The following LCE2C variants were observed in gnomAD, a reference collection of about 807,000 sequenced individuals.
The protein encoded by LCE2C is late cornified envelope 2C, also known as late cornified envelope protein 2C.
For missense variants in LCE2C, 179 were observed against 141.3 expected (o/e 1.27, Z -1.35); for synonymous variants, 57 against 51.0 (o/e 1.12, Z -0.50).
chr1:152,676,116 C>T lies in LCE2C; in HGVS notation c.101C>T (p.Pro34Leu), dbSNP rs531060384. The T allele has an allele frequency of 1.9e-6, 3 of 1,614,196 alleles. No homozygotes were observed. The highest frequency in any genetic ancestry group is 1.3e-5 in the African/African-American group (1 of 75,050). The part of the protein sequence containing the change: ...CPPKCPPKCP[P>L]QCPAPCFPAV... ...CCTAAGTGTCCCCCCAAATGCCCAC[C>T]ACAGTGCCCAGCTCCATGTTTCCCT... Residue 34 changes from proline to leucine, a missense_variant, in exon 2 of 2, where the codon CCA (proline) becomes CTA (leucine). By Grantham distance (98) the Pro-to-Leu change is moderately conservative (BLOSUM62 -3). Transcript: ENST00000368783.
At chr1:152,675,777 C>T (rs1020825368) in intron 1 of LCE2C, among the ~76,000 whole-genome samples, 1 of 152,110 alleles carries the variant, frequency 6.6e-6, no homozygotes, top group Non-Finnish European at 1.5e-5. Flanking sequence ...ATAGAGCAAT[C>T]GCAGTTTCCC....
chr1:152,676,005 C>G lies in LCE2C; in HGVS notation c.-11C>G. On this transcript the variant is annotated 5_prime_UTR_variant, in exon 2 of 2. Coordinates refer to ENST00000368783, the MANE Select transcript of LCE2C (RefSeq NM_178429.5). ...ATTATTATCTTTCAGGTTGACTAAA[C>G]TCCTGCCAGCATGTCTTGCCAGCAA... The G allele has an allele frequency of 6.2e-7, 1 of 1,613,980 alleles. No individual in the cohort carries two copies.
Position 152,675,864 on chromosome 1 carries a change from T to C in LCE2C, c.-21-131T>C, listed in dbSNP as rs931434208. ...TTATCTAGAGGAAAGATTCAAGTTGTTTCTTTCAGGTTACTGATGTGATTG... is the reference window on the plus strand; with the variant it reads ...TTATCTAGAGGAAAGATTCAAGTTGCTTCTTTCAGGTTACTGATGTGATTG... On this transcript the variant is annotated intron_variant, in intron 1 of 1. Coordinates refer to ENST00000368783, the MANE Select transcript of LCE2C (RefSeq NM_178429.5). 33 of 1,110,706 alleles carry C rather than the reference T, an allele frequency of 3.0e-5. No homozygotes were observed. In the South Asian group the frequency reaches 4.0e-4, roughly 13 times the overall value. The allele number at this position is 1,110,706 out of a possible 1,614,324, so 68.8% of individuals were successfully genotyped here.
chr1:152,676,250 C>A lies in LCE2C; in HGVS notation c.235C>A (p.Arg79Ser), dbSNP rs535714518. The part of the protein sequence containing the change: ...GGCSLSHHRP[R>S]LFHRRRHQSP... ...CTGCTCCCTGAGCCACCACAGGCCC[C>A]GTCTCTTCCACCGGCGCCGGCACCA... Residue 79 changes from arginine (R) to serine (S), a missense_variant, in exon 2 of 2, where the codon CGT becomes AGT. Physicochemically the swap from Arg to Ser is moderately radical, Grantham distance 110. Coordinates refer to ENST00000368783, the MANE Select transcript of LCE2C (RefSeq NM_178429.5). The A allele has an allele frequency of 1.2e-6, 2 of 1,613,914 alleles. No individual in the cohort carries two copies. The highest frequency in any genetic ancestry group is 1.7e-6 in the Non-Finnish European group (2 of 1,179,958).
chr1:152,676,263 G>C lies in LCE2C; in HGVS notation c.248G>C (p.Arg83Pro), dbSNP rs12064325. ...LSHHRPRLFH[R>P]RRHQSPDCCE... is the part of the protein sequence containing the mutation. ...CACCACAGGCCCCGTCTCTTCCACC[G>C]GCGCCGGCACCAGAGCCCCGACTGC... is the stretch of plus-strand genomic sequence containing the variant. The change falls in exon 2 of 2, where the codon CGG (arginine) becomes CCG (proline). Residue 83 changes from arginine to proline, a missense_variant. By Grantham distance (103) the Arg-to-Pro change is moderately radical (BLOSUM62 -2). Coordinates refer to ENST00000368783, the MANE Select transcript of LCE2C (RefSeq NM_178429.5). The C allele has an allele frequency of 1.6e-5, 26 of 1,613,656 alleles. No homozygotes were observed. The highest frequency in any genetic ancestry group is 1.9e-5 in the Non-Finnish European group (23 of 1,179,958).
chr1:152,676,434 A>C lies in LCE2C; in HGVS notation c.*86A>C. The C allele has an allele frequency of 6.6e-7, 1 of 1,513,426 alleles. No individual in the cohort carries two copies. Among genetic ancestry groups the C allele is most frequent in the Non-Finnish European group, 8.8e-7 (1 of 1,131,694 alleles). The allele number at this position is 1,513,426 out of a possible 1,614,324, so 93.7% of individuals were successfully genotyped here. ...TACTCTTTCCACTTCCTCTCATTCC[A>C]TTCATTGGTTGGCAGAGACCACAAA... On this transcript the variant is annotated 3_prime_UTR_variant, in exon 2 of 2. Coordinates refer to ENST00000368783, the MANE Select transcript of LCE2C (RefSeq NM_178429.5).
chr1:152,676,464 C>A lies in LCE2C; in HGVS notation c.*116C>A. 1.4e-6 allele frequency: 2 copies of A among 1,432,958 alleles called. No individual in the cohort carries two copies. The highest frequency in any genetic ancestry group is 2.3e-5 in the East Asian group (1 of 42,698). The allele number at this position is 1,432,958 out of a possible 1,614,324, so 88.8% of individuals were successfully genotyped here. ...TTGGTTGGCAGAGACCACAAAGACT[C>A]ATGGGGCTTTCCTGGAAGAACTTCG... On this transcript the variant is annotated 3_prime_UTR_variant, in exon 2 of 2. Transcript: ENST00000368783.
rs1247683115 is a variant in LCE2C, at chr1:152,676,154, T to A, written c.139T>A (p.Cys47Ser). Residue 47 changes from cysteine to serine, a missense_variant, in exon 2 of 2, where the codon TGC becomes AGC. By Grantham distance (112) the Cys-to-Ser change is moderately radical (BLOSUM62 -1). Coordinates refer to ENST00000368783, the MANE Select transcript of LCE2C (RefSeq NM_178429.5). ...TCCATGTTTCCCTGCAGTCTCTTCT[T>A]GCTGTGGTCCCAGCTCTGGGAGCTG... ...PAPCFPAVSSCCGPSSGSCCG... is the reference protein window; with the variant it reads ...PAPCFPAVSSSCGPSSGSCCG... 2 of 1,613,792 alleles carry A rather than the reference T, an allele frequency of 1.2e-6. No individual in the cohort carries two copies. Among genetic ancestry groups the A allele is most frequent in the Admixed American group, 1.7e-5 (1 of 59,960 alleles).
Position 152,676,359 on chromosome 1 carries a change from A to G in LCE2C, c.*11A>G, listed in dbSNP as rs1648853845. On this transcript the variant is annotated 3_prime_UTR_variant, in exon 2 of 2. Coordinates refer to ENST00000368783, the MANE Select transcript of LCE2C (RefSeq NM_178429.5). The stretch of plus-strand genomic sequence containing the variant: ...GGGGGCTGCTGCTGACCTGGGCTAC[A>G]GAAGAGCTCTTGGGACTGAATGGCC... 2 of 1,601,102 alleles carry G rather than the reference A, an allele frequency of 1.2e-6. No homozygotes were observed. The highest frequency in any genetic ancestry group is 1.7e-5 in the Admixed American group (1 of 58,162).
intron 1 of LCE2C, among the ~76,000 whole-genome samples, chr1:152,675,725 G>A (rs1393480122): frequency 6.6e-6 from 1 of 152,154 alleles, no homozygotes; most frequent in African/African-American, 2.4e-5. Context: ...AAAGGAATAG[G>A]TACTTCAGGG....
intron 1 of LCE2C, 76 bp from the exon 2 acceptor site, chr1:152,675,919 C>T: frequency 7.0e-7 from 1 of 1,419,348 alleles, no homozygotes; most frequent in Non-Finnish European, 9.7e-7. Flanking sequence ...TTCTTCTACA[C>T]ATGCATTGAT....
chr1:152,676,442 G>T lies in LCE2C; in HGVS notation c.*94G>T. 2.0e-6 allele frequency: 3 copies of T among 1,505,776 alleles called. No individual in the cohort carries two copies. The highest frequency in any genetic ancestry group is 2.3e-5 in the Admixed American group (1 of 43,656). The allele number at this position is 1,505,776 out of a possible 1,614,324, so 93.3% of individuals were successfully genotyped here. A position where few individuals can be genotyped will look rare whatever the true frequency, so the allele number is the denominator to read the frequency against. On this transcript the variant is annotated 3_prime_UTR_variant, in exon 2 of 2. Transcript: ENST00000368783. Reference sequence around the variant, plus strand: ...CCACTTCCTCTCATTCCATTCATTGGTTGGCAGAGACCACAAAGACTCATG... The same window carrying T: ...CCACTTCCTCTCATTCCATTCATTGTTTGGCAGAGACCACAAAGACTCATG...
Position 152,676,287 on chromosome 1 carries a change from G to A in LCE2C, c.272G>A (p.Cys91Tyr), listed in dbSNP as rs1648850149. ...FHRRRHQSPDCCESEPSGGSG... is the reference protein window; with the variant it reads ...FHRRRHQSPDYCESEPSGGSG... ...CGGCGCCGGCACCAGAGCCCCGACT[G>A]CTGTGAGAGTGAACCTTCTGGGGGC... Residue 91 changes from cysteine (C) to tyrosine (Y), a missense_variant, in exon 2 of 2, where the codon TGC (cysteine) becomes TAC (tyrosine). By Grantham distance (194) the Cys-to-Tyr change is radical. Transcript: ENST00000368783. 2 of 1,613,826 alleles carry A rather than the reference G, an allele frequency of 1.2e-6. No homozygotes were observed. Among genetic ancestry groups the A allele is most frequent in the South Asian group, 1.1e-5 (1 of 91,040 alleles).
At chr1:152,675,523 T>C (rs185061483) in intron 1 of LCE2C, among the ~76,000 whole-genome samples, 195 bp downstream of exon 1, 1 of 152,322 alleles carries the variant, frequency 6.6e-6, no homozygotes, top group East Asian at 1.9e-4. Flanking sequence ...ACTGTGCACA[T>C]CTTTTCCAAT....
At position 152,676,564 on chromosome 1, in the gene LCE2C, G is replaced by A; in HGVS notation, c.*216G>A. Reference sequence around the variant, plus strand: ...ATGTTATAATAAAGCTCTGATCTCTGACTCACTAAATGTCTTGGTCATTCT... The same window carrying A: ...ATGTTATAATAAAGCTCTGATCTCTAACTCACTAAATGTCTTGGTCATTCT... On this transcript the variant is annotated 3_prime_UTR_variant, in exon 2 of 2. Transcript: ENST00000368783. 1 of 630,624 alleles carries A rather than the reference G, an allele frequency of 1.6e-6. No homozygotes were observed. Among genetic ancestry groups the A allele is most frequent in the East Asian group, 2.9e-5 (1 of 34,780 alleles). The allele number at this position is 630,624 out of a possible 1,614,324, so 39.1% of individuals were successfully genotyped here. A position where few individuals can be genotyped will look rare whatever the true frequency, so the allele number is the denominator to read the frequency against.
In LCE2C at chr1:152,676,305, C is replaced by G. The variant is rs756061558; in HGVS notation, c.290C>G (p.Ser97Cys). Residue 97 changes from serine (S) to cysteine (C), a missense_variant, in exon 2 of 2, where the codon TCT becomes TGT. Coordinates refer to ENST00000368783, the MANE Select transcript of LCE2C (RefSeq NM_178429.5). Reference sequence around the variant, plus strand: ...CCCGACTGCTGTGAGAGTGAACCTTCTGGGGGCTCTGGCTGCTGCCACAGC... The same window carrying G: ...CCCGACTGCTGTGAGAGTGAACCTTGTGGGGGCTCTGGCTGCTGCCACAGC... ...QSPDCCESEP[S>C]GGSGCCHSSG... 2.8e-5 allele frequency: 45 copies of G among 1,613,270 alleles called. No individual in the cohort carries two copies. Among genetic ancestry groups the G allele is most frequent in the Non-Finnish European group, 3.7e-5 (44 of 1,179,630 alleles).
chr1:152,676,086 G>T lies in LCE2C; in HGVS notation c.71G>T (p.Cys24Phe). 3 of 1,614,104 alleles carry T rather than the reference G, an allele frequency of 1.9e-6. No individual in the cohort carries two copies. Among genetic ancestry groups the T allele is most frequent in the Non-Finnish European group, 1.7e-6 (2 of 1,180,008 alleles). Residue 24 changes from cysteine to phenylalanine, a missense_variant, in exon 2 of 2, where the codon TGT (cysteine) becomes TTT (phenylalanine). Coordinates refer to ENST00000368783, the MANE Select transcript of LCE2C (RefSeq NM_178429.5). ...PKCPPKCTPK[C>F]PPKCPPKCPP... ...TGTCCTCCCAAGTGTACCCCAAAAT[G>T]TCCACCTAAGTGTCCCCCCAAATGC...
At chr1:152,675,827 A>T (rs927890253) in intron 1 of LCE2C, among the ~76,000 whole-genome samples, 168 bp from the exon 2 acceptor site, 1 of 152,136 alleles carries the variant, frequency 6.6e-6, no homozygotes, top group East Asian at 1.9e-4. Context: ...TTGATTTTTT[A>T]TCTACGTACT....
rs4119578 is a variant in LCE2C, at chr1:152,676,105, C to T, written c.90C>T (p.Pro30=). 3.4e-5 allele frequency: 55 copies of T among 1,614,066 alleles called. No individual in the cohort carries two copies. Among genetic ancestry groups the T allele is most frequent in the African/African-American group, 3.2e-4 (24 of 74,918 alleles). Residue 30 remains proline (P), a synonymous_variant, in exon 2 of 2, where the codon CCC becomes CCT. Coordinates refer to ENST00000368783, the MANE Select transcript of LCE2C (RefSeq NM_178429.5). Reference sequence around the variant, plus strand: ...CAAAATGTCCACCTAAGTGTCCCCCCAAATGCCCACCACAGTGCCCAGCTC... The same window carrying T: ...CAAAATGTCCACCTAAGTGTCCCCCTAAATGCCCACCACAGTGCCCAGCTC... The part of the protein sequence containing the change: ...CTPKCPPKCP[P]KCPPQCPAPC...
Sources: gnomAD v4.1 joint callset for allele counts (sites outside exome capture counted in the v4.1 genomes callset) on GRCh38, gnomAD v4.1.1 for gene constraint, MANE v1.5 for transcripts, NCBI Gene and HGNC (gene_info 2026-07-23, HGNC 2026-07-21) for gene names.